DNAJB6: variants seen among roughly 807,000 people sequenced by gnomAD.
DNAJB6 encodes DnaJ heat shock protein family (Hsp40) member B6.
In DNAJB6, 16 loss-of-function variants were observed where a neutral mutation model predicts 42.7. The ratio of observed to expected loss-of-function variants is 0.37; its 90% confidence interval spans 0.25 to 0.57. DNAJB6 has a LOEUF of 0.57. Among genes scored for constraint, DNAJB6 ranks in the 20% least tolerant of loss-of-function variants. DNAJB6 has a pLI of 0.74. For missense variants in DNAJB6, 347 were observed against 416.8 expected, an observed-to-expected ratio of 0.83 and a Z score of 1.46; for synonymous variants, 170 against 163.5, an observed-to-expected ratio of 1.04 and a Z score of -0.30.
At chr7:157,366,078 G>A (rs1799830391) in intron 3 of DNAJB6, among the ~76,000 whole-genome samples, 1 of 152,070 alleles carries the variant, frequency 6.6e-6, no homozygotes, top group Non-Finnish European at 1.5e-5. Flanking sequence ...AGCCTCCTGA[G>A]TAGCTGGGAT....
Position 157,367,356 on chromosome 7 carries a change from G to A in DNAJB6, c.236-17G>A, listed in dbSNP as rs367804735. 27 of 1,523,730 alleles carry A rather than the reference G, an allele frequency of 1.8e-5. No homozygotes were observed. Among genetic ancestry groups the A allele is most frequent in the East Asian group, 2.3e-5 (1 of 44,404 alleles). 94.4% of individuals were successfully genotyped at this position (1,523,730 alleles called of 1,614,324 possible). A position where few individuals can be genotyped will look rare whatever the true frequency, so the allele number is the denominator to read the frequency against. ...CACCAAAATTCATAAACTAAAAGCT[G>A]TGTTGTATTTGTGCAGGTGGAAGTC... On this transcript the variant is annotated splice_polypyrimidine_tract_variant and intron_variant, in intron 4 of 9. Coordinates refer to ENST00000262177, the MANE Select transcript of DNAJB6 (RefSeq NM_058246.4).
chr7:157,395,687 T>TTC (rs568049983), intron 8 of DNAJB6, among the ~76,000 whole-genome samples: 2,328 of 146,360 alleles, frequency 0.016, 18 homozygotes, highest in Non-Finnish European at 0.026. Flanking sequence ...TTCTTTTCTT[T>TTC]TTTTTTTTTT....
chr7:157,408,532 G>A (rs1795852625), intron 8 of DNAJB6, among the ~76,000 whole-genome samples: 1 of 152,198 alleles, frequency 6.6e-6, no homozygotes, highest in African/African-American at 2.4e-5. Context: ...TTGTGTGGGG[G>A]TCTTCCTTAG....
chr7:157,361,611 A>G (rs1013325026), intron 2 of DNAJB6, among the ~76,000 whole-genome samples: 5 of 152,244 alleles, frequency 3.3e-5, no homozygotes, highest in Non-Finnish European at 7.3e-5. Flanking sequence ...TAACTTGCCT[A>G]GTGTTAAAAG....
chr7:157,388,642 G>C (rs538051410), intron 8 of DNAJB6, among the ~76,000 whole-genome samples: 8 of 150,564 alleles, frequency 5.3e-5, no homozygotes, highest in South Asian at 4.2e-4. Flanking sequence ...AGCTTTTGGG[G>C]GGGGGGTAAG....
chr7:157,404,721 G>C (rs1434872109), intron 8 of DNAJB6, among the ~76,000 whole-genome samples: 1 of 152,048 alleles, frequency 6.6e-6, no homozygotes, highest in East Asian at 1.9e-4. Context: ...GCCCAGGCTG[G>C]TCTCAAACTC....
intron 6 of DNAJB6, among the ~76,000 whole-genome samples, chr7:157,384,151 T>TG (rs1203946650): frequency 6.6e-6 from 1 of 152,236 alleles, no homozygotes; most frequent in African/African-American, 2.4e-5. Flanking sequence ...AAAAATAGGT[T>TG]TGCTTTAGTG....
chr7:157,363,753 C>T (rs966855892), intron 3 of DNAJB6, among the ~76,000 whole-genome samples: 1 of 152,182 alleles, frequency 6.6e-6, no homozygotes, highest in African/African-American at 2.4e-5. Context: ...AGTTTCAGGC[C>T]TGTTTTCCCC....
chr7:157,412,130 G>A (rs1040316915), intron 9 of DNAJB6: 5 of 152,170 alleles, frequency 3.3e-5, no homozygotes, highest in African/African-American at 7.2e-5. Context: ...ACACGTCAGA[G>A]ACTTTTACTT....
rs1030976259 is a variant in DNAJB6, at chr7:157,416,185, C to T, written c.*87C>T. Reference sequence around the variant, plus strand: ...GTCGTGCACACGCGCTAGGTAGCAGCGTCGGTCAGGACTGTCTCGAGGCCA... The same window carrying T: ...GTCGTGCACACGCGCTAGGTAGCAGTGTCGGTCAGGACTGTCTCGAGGCCA... On this transcript the variant is annotated 3_prime_UTR_variant, in exon 10 of 10. Coordinates refer to ENST00000262177, the MANE Select transcript of DNAJB6 (RefSeq NM_058246.4). The T allele has an allele frequency of 1.1e-5, 17 of 1,550,570 alleles. No homozygotes were observed. The highest frequency in any genetic ancestry group is 9.6e-5 in the African/African-American group (7 of 73,052).
chr7:157,410,411 CT>C, intron 9 of DNAJB6: 1 of 345,376 alleles, frequency 2.9e-6, no homozygotes, highest in Non-Finnish European at 5.2e-6. Flanking sequence ...TCAGCTTCAC[CT>C]TCTCGTGCCT....
intron 6 of DNAJB6, among the ~76,000 whole-genome samples, chr7:157,383,815 T>C (rs1023926092): frequency 4.6e-5 from 7 of 152,186 alleles, no homozygotes; most frequent in Non-Finnish European, 1.0e-4. Flanking sequence ...GAAATAGTCA[T>C]TGGGTTTCAA....
Position 157,416,333 on chromosome 7 carries a change from G to C in DNAJB6, c.*235G>C, listed in dbSNP as rs1017166941. ...GGCCGCGACTCTCTGCTTCTCTCCA[G>C]CTCTCAATCTGCTGCATTTTCCTCT... On this transcript the variant is annotated 3_prime_UTR_variant, in exon 10 of 10. Coordinates refer to ENST00000262177, the MANE Select transcript of DNAJB6 (RefSeq NM_058246.4). The C allele has an allele frequency of 1.8e-6, 1 of 549,204 alleles. No homozygotes were observed. Among genetic ancestry groups the C allele is most frequent in the African/African-American group, 1.9e-5 (1 of 53,028 alleles). The allele number at this position is 549,204 out of a possible 1,614,324, so 34.0% of individuals were successfully genotyped here. A position where few individuals can be genotyped will look rare whatever the true frequency, so the allele number is the denominator to read the frequency against.
Position 157,391,856 on chromosome 7 carries a change from C to G in DNAJB6, c.691+6245C>G, listed in dbSNP as rs2117124039. On this transcript the variant is annotated intron_variant, in intron 8 of 9. Coordinates refer to ENST00000262177, the MANE Select transcript of DNAJB6 (RefSeq NM_058246.4). ...GTGGCTCATGCCTGTAATCCCAGTGCTCTGGGAGGCTGAGGTGGGTTGATT... is the reference window on the plus strand; with the variant it reads ...GTGGCTCATGCCTGTAATCCCAGTGGTCTGGGAGGCTGAGGTGGGTTGATT... Among the ~76,000 whole-genome samples, 2 of 152,244 alleles carry G rather than the reference C, an allele frequency of 1.3e-5. 1 individual carries two copies. Among genetic ancestry groups the G allele is most frequent in the South Asian group, 4.1e-4 (2 of 4,824 alleles).
intron 8 of DNAJB6, among the ~76,000 whole-genome samples, chr7:157,394,252 AT>A (rs1180986288): frequency 6.6e-6 from 1 of 152,168 alleles, no homozygotes. Context: ...TATGACATCT[AT>A]TTTTTGGAAG....
chr7:157,356,209 A>G (rs142878010), intron 1 of DNAJB6, among the ~76,000 whole-genome samples: 32 of 152,358 alleles, frequency 2.1e-4, no homozygotes, highest in African/African-American at 7.0e-4. Context: ...TGTTTCTGCT[A>G]GGTACTGCCA....
At chr7:157,388,832 T>TC (rs1801206919) in intron 8 of DNAJB6, among the ~76,000 whole-genome samples, 1 of 152,180 alleles carries the variant, frequency 6.6e-6, no homozygotes, top group African/African-American at 2.4e-5. Context: ...TCCTTGTAGC[T>TC]CCCCACCCCG....
At chr7:157,397,803 C>T (rs555416673) in intron 8 of DNAJB6, among the ~76,000 whole-genome samples, 2 of 152,316 alleles carry the variant, frequency 1.3e-5, no homozygotes, top group South Asian at 2.1e-4. Flanking sequence ...AATTCAGCTT[C>T]TATGTCACGA....
chr7:157,391,867 T>C (rs1475172701), intron 8 of DNAJB6, among the ~76,000 whole-genome samples: 1 of 152,102 alleles, frequency 6.6e-6, no homozygotes, highest in Non-Finnish European at 1.5e-5. Flanking sequence ...TCTGGGAGGC[T>C]GAGGTGGGTT....
Sources: allele counts gnomAD v4.1 joint callset (sites outside exome capture counted in the v4.1 genomes callset), GRCh38; gene constraint gnomAD v4.1.1; transcripts MANE v1.5; gene names NCBI Gene and HGNC (gene_info 2026-07-23, HGNC 2026-07-21).